Variants in USP24 observed in about 807,000 individuals in gnomAD.
The protein encoded by USP24 is ubiquitin carboxyl-terminal hydrolase 24.
A neutral mutation model predicts 361.6 loss-of-function variants in USP24; 97 were observed. That is an observed-to-expected ratio of 0.27 (90% confidence interval 0.23 to 0.32). USP24 has a LOEUF of 0.32. Among genes scored for constraint, USP24 ranks in the 10% least tolerant of loss-of-function variants. The pLI is 1.00. For missense variants in USP24, 2,353 were observed against 3,165.6 expected (o/e 0.74, Z 6.16); for synonymous variants, 1,098 against 1,124.6 (o/e 0.98, Z 0.47).
At chr1:55,122,042 A>G (rs1036020894) in intron 36 of USP24, among the ~76,000 whole-genome samples, 5 of 152,208 alleles carry the variant, frequency 3.3e-5, no homozygotes, top group African/African-American at 1.2e-4. Flanking sequence ...TGGGGGCTGG[A>G]GATTCATCAG....
chr1:55,196,756 T>C (rs1019850410), intron 1 of USP24, among the ~76,000 whole-genome samples: 3 of 152,204 alleles, frequency 2.0e-5, no homozygotes, highest in Non-Finnish European at 2.9e-5. Context: ...TTGAAAACCT[T>C]CGATGCCTTT....
At chr1:55,131,316 T>C (rs1272311197) in intron 31 of USP24, among the ~76,000 whole-genome samples, 1 of 152,160 alleles carries the variant, frequency 6.6e-6, no homozygotes, top group African/African-American at 2.4e-5. Flanking sequence ...CACGAAAATG[T>C]AAAATATAAT....
At chr1:55,141,589 G>A (rs377554968) in intron 24 of USP24, 27 bp downstream of exon 24, 4 of 1,563,768 alleles carry the variant, frequency 2.6e-6, no homozygotes, top group East Asian at 2.3e-5. Flanking sequence ...TATGTGTGTT[G>A]TGTATTTTTC....
At chr1:55,207,932 G>T (rs186111040) in intron 1 of USP24, among the ~76,000 whole-genome samples, 1 of 152,316 alleles carries the variant, frequency 6.6e-6, no homozygotes, top group Admixed American at 6.5e-5. Context: ...GGAAGCCCTG[G>T]TGAGTACCTA....
At chr1:55,175,215 G>A (rs1392209531) in intron 3 of USP24, among the ~76,000 whole-genome samples, 2 of 133,410 alleles carry the variant, frequency 1.5e-5, no homozygotes, top group Non-Finnish European at 3.1e-5. Flanking sequence ...GTTTTACTGG[G>A]TCTCTTTTTT....
At chr1:55,077,354 C>G in intron 61 of USP24, 54 bp from the exon 62 acceptor site, 1 of 1,468,070 alleles carries the variant, frequency 6.8e-7, no homozygotes, top group Non-Finnish European at 9.3e-7. Context: ...ATTGGAATGG[C>G]AATTAACAAT....
At chr1:55,196,063 C>T (rs987551327) in intron 1 of USP24, among the ~76,000 whole-genome samples, 4 of 152,182 alleles carry the variant, frequency 2.6e-5, no homozygotes, top group African/African-American at 9.7e-5. Flanking sequence ...TTCTTCACCA[C>T]AGCCTCATAT....
intron 1 of USP24, among the ~76,000 whole-genome samples, chr1:55,206,833 T>A (rs1644720338): frequency 6.6e-6 from 1 of 151,768 alleles, no homozygotes; most frequent in East Asian, 1.9e-4. Context: ...ATTCACAGAG[T>A]ACCTTCATAT....
At chr1:55,138,016 A>C in intron 26 of USP24, 112 bp from the exon 27 acceptor site, 1 of 1,020,878 alleles carries the variant, frequency 9.8e-7, no homozygotes, top group Non-Finnish European at 1.4e-6. Flanking sequence ...CTGGGAACAC[A>C]GCAGAGAACA....
intron 5 of USP24, 63 bp from the exon 6 acceptor site, chr1:55,166,666 T>C: frequency 7.2e-7 from 1 of 1,389,152 alleles, no homozygotes; most frequent in East Asian, 2.5e-5. Context: ...AACCCTTACA[T>C]TTCTTTTATC....
chr1:55,177,060 C>G (rs772365421), intron 2 of USP24, among the ~76,000 whole-genome samples: 1 of 149,404 alleles, frequency 6.7e-6, no homozygotes, highest in Non-Finnish European at 1.5e-5. Flanking sequence ...CATTGCACTG[C>G]AGCCTAAGCA....
intron 12 of USP24, among the ~76,000 whole-genome samples, chr1:55,155,441 T>A (rs568106861): frequency 6.6e-6 from 1 of 152,350 alleles, no homozygotes; most frequent in South Asian, 2.1e-4. Flanking sequence ...AGTCATTCAT[T>A]GAATGTAGTA....
intron 67 of USP24, among the ~76,000 whole-genome samples, chr1:55,070,297 G>A (rs1644894956): frequency 6.6e-6 from 1 of 152,272 alleles, no homozygotes; most frequent in African/African-American, 2.4e-5. Context: ...TGGGTGCGGA[G>A]AGAATATGGA....
At chr1:55,124,014 CCTTT>C (rs1331871851) in intron 35 of USP24, among the ~76,000 whole-genome samples, 3 of 152,104 alleles carry the variant, frequency 2.0e-5, no homozygotes, top group East Asian at 3.9e-4. Context: ...TTAAAAACTT[CCTTT>C]ATTATTGAGG....
chr1:55,075,320 C>G (rs1645002938), intron 63 of USP24, 137 bp downstream of exon 63: 1 of 706,344 alleles, frequency 1.4e-6, no homozygotes, highest in African/African-American at 1.9e-5. Flanking sequence ...TGAGGGAGCC[C>G]AGTGGCCCTG....
At chr1:55,121,094 G>A (rs570616220) in intron 37 of USP24, among the ~76,000 whole-genome samples, 1 of 152,318 alleles carries the variant, frequency 6.6e-6, no homozygotes, top group South Asian at 2.1e-4. Flanking sequence ...AAGTTTATGG[G>A]TTGAGGTTGA....
rs189468572 is a variant in USP24, at chr1:55,213,080, C to A, written c.324+1710G>T. On this transcript the variant is annotated intron_variant, in intron 1 of 67. Coordinates refer to ENST00000294383, the MANE Select transcript of USP24 (RefSeq NM_015306.3). The stretch of plus-strand genomic sequence containing the variant: ...AAGAAAAAAAGAATCACATTTCTCA[C>A]ATAATGAGGATACACTGAGCTTTGC... 2.0e-5 allele frequency among the ~76,000 whole-genome samples: 3 copies of A among 152,294 alleles called. No homozygotes were observed. The East Asian group carries it at 5.8e-4, about 29-fold the overall frequency.
chr1:55,160,515 A>G (rs1476580906), intron 8 of USP24, among the ~76,000 whole-genome samples: 1 of 152,242 alleles, frequency 6.6e-6, no homozygotes, highest in Non-Finnish European at 1.5e-5. Context: ...TACAAGTTAA[A>G]TAAGAGTCTT....
chr1:55,077,239 A>G lies in USP24; in HGVS notation c.7376T>C (p.Ile2459Thr), dbSNP rs1645047861. 2 of 1,548,448 alleles carry G rather than the reference A, an allele frequency of 1.3e-6. No homozygotes were observed. Among genetic ancestry groups the G allele is most frequent in the Non-Finnish European group, 1.8e-6 (2 of 1,139,744 alleles). The change falls in exon 62 of 68, where the codon ATA (isoleucine) becomes ACA (threonine). Residue 2459 changes from isoleucine to threonine, a missense_variant. By Grantham distance (89) the Ile-to-Thr change is moderately conservative. Around this residue, in one of 8 missense-constraint regions of USP24, gnomAD observed 598 missense variants for 761.9 expected, o/e 0.78. Coordinates refer to ENST00000294383, the MANE Select transcript of USP24 (RefSeq NM_015306.3). Reference sequence around the variant, plus strand: ...GTCAGAACAGTTATGACTTACCAATATTTCATGAAGTAGTTGGAACGTATT... The same window carrying G: ...GTCAGAACAGTTATGACTTACCAATGTTTCATGAAGTAGTTGGAACGTATT... ...LKNTFQLLHE[I>T]LVIEDPIQVE... is the part of the protein sequence containing the mutation.
Sources: gnomAD v4.1 joint callset for allele counts (sites outside exome capture counted in the v4.1 genomes callset) on GRCh38, gnomAD v4.1.1 for gene constraint, gnomAD v4.1.1 regional missense constraint, MANE v1.5 for transcripts, NCBI Gene and HGNC (gene_info 2026-07-23, HGNC 2026-07-21) for gene names.